Variants in XKR6 observed in about 807,000 individuals in gnomAD.
The protein encoded by XKR6 is XK-related protein 6.
In XKR6, 22 loss-of-function variants were observed where a neutral mutation model predicts 56.7. The ratio of observed to expected loss-of-function variants is 0.39; its 90% CI spans 0.28 to 0.55. XKR6 has a LOEUF of 0.55. Among genes scored for constraint, XKR6 ranks in the 20% least tolerant of loss-of-function variants. The pLI, the probability that XKR6 is intolerant of heterozygous loss-of-function variation, is 0.66. For synonymous variants in XKR6, 524 were observed against 387.8 expected (o/e 1.35, Z -4.13); for missense variants, 852 against 889.0 (o/e 0.96, Z 0.53).
chr8:10,989,573 G>C (rs1797941084), intron 1 of XKR6, among the ~76,000 whole-genome samples: 1 of 151,982 alleles, frequency 6.6e-6, no homozygotes, highest in South Asian at 2.1e-4. Flanking sequence ...GTTTAAATCT[G>C]GGTTTCAACT....
chr8:10,901,096 C>G (rs1319565199), intron 2 of XKR6, among the ~76,000 whole-genome samples: 1 of 149,200 alleles, frequency 6.7e-6, no homozygotes, highest in Non-Finnish European at 1.5e-5. Flanking sequence ...CACTCTGTCA[C>G]CCAGGCTGGA....
intron 2 of XKR6, 108 bp from the exon 3 acceptor site, chr8:10,899,024 G>T: frequency 2.7e-6 from 4 of 1,465,506 alleles, no homozygotes; most frequent in Non-Finnish European, 3.6e-6. Flanking sequence ...ATCTAAAGGA[G>T]GAGGGAGAAA....
intron 1 of XKR6, among the ~76,000 whole-genome samples, chr8:11,177,516 G>A (rs1434460713): frequency 6.6e-6 from 1 of 152,180 alleles, no homozygotes; most frequent in African/African-American, 2.4e-5. Context: ...TTCAGAACAT[G>A]ACCGAATTTG....
intron 1 of XKR6, among the ~76,000 whole-genome samples, chr8:11,056,787 C>A (rs1312920521): frequency 6.6e-6 from 1 of 152,244 alleles, no homozygotes. Context: ...CCATGTCTTG[C>A]AGTCTTGGGT....
chr8:10,962,931 C>T (rs527575212), intron 1 of XKR6, among the ~76,000 whole-genome samples: 1 of 152,314 alleles, frequency 6.6e-6, no homozygotes, highest in South Asian at 2.1e-4. Flanking sequence ...ACTGGTTCAT[C>T]TGTTTTTGAA....
intron 1 of XKR6, among the ~76,000 whole-genome samples, chr8:11,167,084 T>C (rs1238825728): frequency 6.6e-6 from 1 of 152,116 alleles, no homozygotes; most frequent in East Asian, 1.9e-4. Flanking sequence ...AGAACAAGGC[T>C]GACTGGGAGA....
At chr8:11,048,207 TC>T (rs1799457342) in intron 1 of XKR6, among the ~76,000 whole-genome samples, 1 of 152,112 alleles carries the variant, frequency 6.6e-6, no homozygotes, top group African/African-American at 2.4e-5. Context: ...GGGCTGAACT[TC>T]CGTATCTCAC....
At chr8:11,061,843 C>G (rs1054828375) in intron 1 of XKR6, among the ~76,000 whole-genome samples, 1 of 152,144 alleles carries the variant, frequency 6.6e-6, no homozygotes, top group Non-Finnish European at 1.5e-5. Flanking sequence ...GGGGCGAGGA[C>G]ATCACTGGAG....
chr8:11,195,129 G>T (rs772685644), intron 1 of XKR6: 1 of 703,148 alleles, frequency 1.4e-6, no homozygotes, highest in South Asian at 1.5e-5. Context: ...TTTTCAGATG[G>T]GAGGAGGGAG....
At chr8:11,147,600 G>C (rs57827662) in intron 1 of XKR6, among the ~76,000 whole-genome samples, 3,799 of 149,106 alleles carry the variant, frequency 0.025, 69 homozygotes, top group African/African-American at 0.047. Flanking sequence ...AGGTTGCAGT[G>C]AGCCAAGATC....
chr8:10,915,033 C>T (rs1266553789), intron 2 of XKR6, among the ~76,000 whole-genome samples: 1 of 152,238 alleles, frequency 6.6e-6, no homozygotes, highest in Non-Finnish European at 1.5e-5. Context: ...CTGTTGAAGA[C>T]CAATAGAGAG....
At chr8:10,945,868 C>T (rs1228963398) in intron 1 of XKR6, among the ~76,000 whole-genome samples, 5 of 152,154 alleles carry the variant, frequency 3.3e-5, no homozygotes, top group Admixed American at 6.5e-5. Context: ...TGGGAACTCC[C>T]AGCTCTGCTC....
chr8:11,084,918 T>C (rs1270289465), intron 1 of XKR6, among the ~76,000 whole-genome samples: 1 of 152,098 alleles, frequency 6.6e-6, no homozygotes, highest in Non-Finnish European at 1.5e-5. Context: ...AGTGCCTTAC[T>C]CCTACAAAAA....
At chr8:11,140,207 A>G (rs772459604) in intron 1 of XKR6, among the ~76,000 whole-genome samples, 16 of 152,176 alleles carry the variant, frequency 1.1e-4, no homozygotes, top group Non-Finnish European at 2.2e-4. Flanking sequence ...CCTGAAACAG[A>G]TAACAGGAGT....
chr8:10,949,232 C>A (rs761871108), intron 1 of XKR6, among the ~76,000 whole-genome samples: 5 of 152,234 alleles, frequency 3.3e-5, no homozygotes, highest in Non-Finnish European at 5.9e-5. Context: ...AGATAAAGAG[C>A]GGAACAACCG....
At chr8:11,142,470 G>A (rs1441981858) in intron 1 of XKR6, among the ~76,000 whole-genome samples, 1 of 152,088 alleles carries the variant, frequency 6.6e-6, no homozygotes, top group Non-Finnish European at 1.5e-5. Context: ...TTGGAGGTGC[G>A]GCCTGGTGGG....
chr8:10,944,145 ACT>A (rs1586335466), intron 1 of XKR6, among the ~76,000 whole-genome samples: 1 of 152,128 alleles, frequency 6.6e-6, no homozygotes, highest in East Asian at 1.9e-4. Flanking sequence ...ATCAGAGTGC[ACT>A]AAACTGAGTT....
At chr8:11,169,799 G>A (rs1802273588) in intron 1 of XKR6, among the ~76,000 whole-genome samples, 1 of 152,096 alleles carries the variant, frequency 6.6e-6, no homozygotes, top group Non-Finnish European at 1.5e-5. Flanking sequence ...TTTTGGCTAA[G>A]ATCAAGTGCA....
intron 1 of XKR6, among the ~76,000 whole-genome samples, chr8:11,099,837 G>A (rs376116986): frequency 3.4e-4 from 52 of 152,284 alleles, no homozygotes; most frequent in African/African-American, 1.2e-3. Context: ...GACCATGGCA[G>A]AGGTGCCACT....
Sources: gnomAD v4.1 joint callset for allele counts (sites outside exome capture counted in the v4.1 genomes callset) on GRCh38, gnomAD v4.1.1 for gene constraint, MANE v1.5 for transcripts, NCBI Gene and HGNC (gene_info 2026-07-23, HGNC 2026-07-21) for gene names.